Variants in RANBP17 observed in about 807,000 individuals in gnomAD.
The protein encoded by RANBP17 is ran-binding protein 17.
A neutral mutation model predicts 141.2 loss-of-function variants in RANBP17; 158 were observed. That is an observed-to-expected ratio of 1.12 (90% CI 0.98 to 1.28). The LOEUF (loss-of-function observed/expected upper bound fraction) is 1.28, where lower values mean the gene tolerates loss of function less well. Among genes scored for constraint, RANBP17 ranks in the 50% most tolerant of loss-of-function variants. The probability of loss-of-function intolerance (pLI) is 0.00; values close to 1 mark genes in which losing one functional copy is unlikely to be tolerated. For missense variants in RANBP17, 1,438 were observed against 1,290.7 expected (o/e 1.11, Z -1.75); for synonymous variants, 430 against 450.0 (o/e 0.96, Z 0.56).
intron 16 of RANBP17, among the ~76,000 whole-genome samples, chr5:171,173,120 A>G (rs1760213895): frequency 6.6e-6 from 1 of 152,022 alleles, no homozygotes; most frequent in Admixed American, 6.6e-5. Flanking sequence ...ATAAATCATT[A>G]TGTCCCTTCT....
At chr5:171,290,367 CAAAA>C (rs535661442) in intron 25 of RANBP17, among the ~76,000 whole-genome samples, 1 of 102,634 alleles carries the variant, frequency 9.7e-6, no homozygotes, top group Non-Finnish European at 2.0e-5. Flanking sequence ...GACTCCGTCT[CAAAA>C]AAAAAAAAAA....
intron 14 of RANBP17, among the ~76,000 whole-genome samples, chr5:171,001,253 C>T (rs549462455): frequency 2.4e-4 from 36 of 151,968 alleles, no homozygotes; most frequent in African/African-American, 7.2e-4. Context: ...TTAGAAGGAG[C>T]GTTTGTCATA....
At chr5:171,194,054 A>G (rs1761820031) in intron 18 of RANBP17, among the ~76,000 whole-genome samples, 1 of 152,110 alleles carries the variant, frequency 6.6e-6, no homozygotes, top group Non-Finnish European at 1.5e-5. Flanking sequence ...TATCATTTCT[A>G]TTACTTGCTT....
At chr5:171,003,111 A>G (rs1779340057) in intron 14 of RANBP17, among the ~76,000 whole-genome samples, 2 of 152,218 alleles carry the variant, frequency 1.3e-5, no homozygotes, top group Non-Finnish European at 2.9e-5. Flanking sequence ...GCACGGAGAC[A>G]TGATGGCCAG....
intron 14 of RANBP17, among the ~76,000 whole-genome samples, chr5:171,027,048 G>A (rs1781278672): frequency 6.6e-6 from 1 of 152,166 alleles, no homozygotes; most frequent in African/African-American, 2.4e-5. Context: ...TAATGCCTAT[G>A]ATCTGAGGTG....
At chr5:171,295,680 T>G (rs941690365) in intron 26 of RANBP17, among the ~76,000 whole-genome samples, 2 of 152,162 alleles carry the variant, frequency 1.3e-5, no homozygotes, top group African/African-American at 4.8e-5. Context: ...AGACATTTTA[T>G]GGAAGGCATC....
intron 14 of RANBP17, among the ~76,000 whole-genome samples, chr5:171,065,291 AC>A (rs1419555823): frequency 6.6e-6 from 1 of 151,400 alleles, no homozygotes; most frequent in African/African-American, 2.4e-5. Context: ...CAGATTTTCC[AC>A]AGAATGGGGG....
intron 5 of RANBP17, among the ~76,000 whole-genome samples, chr5:170,906,805 T>C (rs1019211372): frequency 1.4e-4 from 22 of 151,968 alleles, no homozygotes; most frequent in African/African-American, 4.3e-4. Flanking sequence ...TGATATTTCC[T>C]CACCATTCTT....
intron 14 of RANBP17, among the ~76,000 whole-genome samples, chr5:171,136,130 A>T (rs1487917799): frequency 6.6e-6 from 1 of 152,204 alleles, no homozygotes; most frequent in Non-Finnish European, 1.5e-5. Context: ...TTCTCTCATT[A>T]AGATCAACCA....
chr5:171,164,539 C>T (rs1250226706), intron 14 of RANBP17, among the ~76,000 whole-genome samples: 1 of 152,114 alleles, frequency 6.6e-6, no homozygotes. Flanking sequence ...AATGTATTGG[C>T]TCATTGAAGC....
rs377199501 is a variant in RANBP17, at chr5:170,926,786, T to C, written c.1468+2236T>C. The stretch of plus-strand genomic sequence containing the variant: ...TCTAGCAAGTAGTTATTCTTAGTTT[T>C]GCATGTCTTTCCAAAGTTTCTATAT... On this transcript the variant is annotated intron_variant, in intron 12 of 27. Coordinates refer to ENST00000523189, the MANE Select transcript of RANBP17 (RefSeq NM_022897.5). Among the ~76,000 whole-genome samples, 63 of 152,294 alleles carry C rather than the reference T, an allele frequency of 4.1e-4. 1 individual carries two copies. The South Asian group carries it at 0.013, about 31-fold the overall frequency.
intron 9 of RANBP17, among the ~76,000 whole-genome samples, chr5:170,917,550 G>T (rs1328337167): frequency 9.9e-5 from 15 of 152,040 alleles, no homozygotes. Flanking sequence ...ATTTTGGGGG[G>T]TGACATATAT....
At chr5:171,011,907 T>C (rs1452183491) in intron 14 of RANBP17, among the ~76,000 whole-genome samples, 2 of 151,974 alleles carry the variant, frequency 1.3e-5, no homozygotes, top group Non-Finnish European at 2.9e-5. Flanking sequence ...ATCGTTTTGC[T>C]ACCTTTTATG....
chr5:171,202,827 C>T (rs144159500), intron 19 of RANBP17, among the ~76,000 whole-genome samples: 2,307 of 152,270 alleles, frequency 0.015, 39 homozygotes, highest in Admixed American at 0.028. Context: ...GACCCTTCAC[C>T]TTCTTTTTCT....
chr5:171,013,927 G>A (rs1176437356), intron 14 of RANBP17, among the ~76,000 whole-genome samples: 2 of 152,032 alleles, frequency 1.3e-5, no homozygotes, highest in Non-Finnish European at 2.9e-5. Flanking sequence ...TCTCTCAGTT[G>A]TTGAGGGAGA....
At chr5:171,230,769 A>G (rs891878486) in intron 22 of RANBP17, among the ~76,000 whole-genome samples, 4 of 152,110 alleles carry the variant, frequency 2.6e-5, no homozygotes, top group Non-Finnish European at 4.4e-5. Flanking sequence ...TAAAAAATAT[A>G]TATATATATT....
chr5:170,966,498 T>C (rs1461390420), intron 13 of RANBP17, among the ~76,000 whole-genome samples: 2 of 152,182 alleles, frequency 1.3e-5, no homozygotes, highest in African/African-American at 4.8e-5. Context: ...CAACAACCCT[T>C]CAAGCTAAAA....
At chr5:171,120,076 T>C (rs899142659) in intron 14 of RANBP17, among the ~76,000 whole-genome samples, 2 of 149,436 alleles carry the variant, frequency 1.3e-5, no homozygotes, top group Admixed American at 6.7e-5. Context: ...AGGTACCACC[T>C]TGATGGTCTT....
chr5:171,293,850 G>T, intron 25 of RANBP17, 33 bp from the exon 26 acceptor site: 2 of 1,489,406 alleles, frequency 1.3e-6, no homozygotes, highest in Non-Finnish European at 1.9e-6. Context: ...CTGAGACAAG[G>T]CATCTCAATC....
Sources: allele counts gnomAD v4.1 joint callset (sites outside exome capture counted in the v4.1 genomes callset), GRCh38; gene constraint gnomAD v4.1.1; transcripts MANE v1.5; gene names NCBI Gene and HGNC (gene_info 2026-07-23, HGNC 2026-07-21).